Variants in RGS6 observed in about 807,000 individuals in gnomAD.
The protein encoded by RGS6 is regulator of G-protein signaling 6.
A neutral mutation model predicts 78.5 loss-of-function variants in RGS6; 30 were observed. The ratio of observed to expected loss-of-function variants is 0.38; its 90% CI spans 0.29 to 0.52. The LOEUF is 0.52. Ranked by LOEUF, RGS6 falls within the 20% of genes least tolerant of loss-of-function variation. The probability of loss-of-function intolerance (pLI) is 0.85; values close to 1 mark genes in which losing one functional copy is unlikely to be tolerated. For synonymous variants in RGS6, 206 were observed against 206.0 expected (o/e 1.00, Z 0.00); for missense variants, 495 against 609.7 (o/e 0.81, Z 1.98).
intron 2 of RGS6, among the ~76,000 whole-genome samples, chr14:72,056,891 T>C (rs1157899990): frequency 6.6e-6 from 1 of 152,228 alleles, no homozygotes; most frequent in East Asian, 1.9e-4. Context: ...ATGTCTGTAT[T>C]TGGCCACAAA....
At chr14:71,940,375 G>A (rs2090326148) in intron 1 of RGS6, among the ~76,000 whole-genome samples, 1 of 152,114 alleles carries the variant, frequency 6.6e-6, no homozygotes, top group Non-Finnish European at 1.5e-5. Context: ...CTGTAAACTG[G>A]CTCAAGTCTG....
intron 3 of RGS6, among the ~76,000 whole-genome samples, chr14:72,387,954 T>G (rs2088773297): frequency 6.6e-6 from 1 of 152,180 alleles, no homozygotes; most frequent in Non-Finnish European, 1.5e-5. Flanking sequence ...CATCCAAACT[T>G]CCTCTTCTTG....
chr14:72,534,696 T>C (rs752823523), intron 15 of RGS6, among the ~76,000 whole-genome samples: 3 of 152,208 alleles, frequency 2.0e-5, no homozygotes, highest in Non-Finnish European at 4.4e-5. Flanking sequence ...ATCCTTGTCA[T>C]TGCTCTGTCT....
chr14:72,414,358 G>A (rs915631199), intron 3 of RGS6, among the ~76,000 whole-genome samples: 6 of 151,916 alleles, frequency 3.9e-5, no homozygotes, highest in South Asian at 2.1e-4. Context: ...TGATCACATC[G>A]ACTACTGAGG....
chr14:72,160,712 G>A (rs2153659851), intron 2 of RGS6, among the ~76,000 whole-genome samples: 1 of 152,304 alleles, frequency 6.6e-6, no homozygotes, highest in South Asian at 2.1e-4. Context: ...CACATGCATG[G>A]AGGAAAGAAC....
the RGS6 span, among the ~76,000 whole-genome samples, chr14:72,615,401 T>C: frequency 6.6e-6 from 1 of 152,146 alleles, no homozygotes; most frequent in Non-Finnish European, 1.5e-5. Context: ...AATCATCTCA[T>C]TTTTCTTCCT....
intron 2 of RGS6, among the ~76,000 whole-genome samples, chr14:72,208,361 A>C (rs2153750004): frequency 6.6e-6 from 1 of 152,324 alleles, no homozygotes; most frequent in South Asian, 2.1e-4. Flanking sequence ...GCCTTTCATG[A>C]AGCGATGCCT....
At position 72,118,627 on chromosome 14, in the gene RGS6, A is replaced by G. The variant is rs562593033; in HGVS notation, c.84+153752A>G. Reference sequence around the variant, plus strand: ...GTTTCCAAAATATCTTTCTGAGGTCATTACAGGGTCATAGCCCTGGACAGC... The same window carrying G: ...GTTTCCAAAATATCTTTCTGAGGTCGTTACAGGGTCATAGCCCTGGACAGC... On this transcript the variant is annotated intron_variant, in intron 2 of 17. Transcript: ENST00000553525. 2.0e-5 allele frequency among the ~76,000 whole-genome samples: 3 copies of G among 152,222 alleles called. No homozygotes were observed. In the South Asian group the frequency reaches 6.2e-4, roughly 32 times the overall value.
rs59943776 is a variant in RGS6 at position 72,548,348 on chromosome 14, CGTGTGTGTGTGT to C, written c.1422+8267_1422+8278del. On this transcript the variant is annotated intron_variant, in intron 17 of 17. Transcript: ENST00000553525. Reference sequence around the variant, plus strand: ...ATATTTGTGTGTGTGTGTGTGCGCGCGTGTGTGTGTGTGTGTGTGTGTGTTTTAAATTCAGTT... The same window carrying C: ...ATATTTGTGTGTGTGTGTGTGCGCGCGTGTGTGTGTGTTTTAAATTCAGTT... Among the ~76,000 whole-genome samples, 6 of 129,464 alleles carry C rather than the reference CGTGTGTGTGTGT, an allele frequency of 4.6e-5. 1 individual carries two copies. In the South Asian group the frequency reaches 9.6e-4, roughly 21 times the overall value. The allele number at this position is 129,464 out of a possible 152,430, so 84.9% of individuals were successfully genotyped here. A position where few individuals can be genotyped will look rare whatever the true frequency, so the allele number is the denominator to read the frequency against.
At chr14:72,529,896 A>T (rs1421810496) in intron 15 of RGS6, among the ~76,000 whole-genome samples, 1 of 152,192 alleles carries the variant, frequency 6.6e-6, no homozygotes, top group Admixed American at 6.5e-5. Context: ...AAGCTTTATG[A>T]CATTAGAGGC....
chr14:71,965,918 G>A (rs975911875), intron 2 of RGS6, among the ~76,000 whole-genome samples: 1 of 152,202 alleles, frequency 6.6e-6, no homozygotes. Context: ...GCGGCAAGTA[G>A]AGGGTCAAAG....
At chr14:72,105,789 A>G (rs1417192388) in intron 2 of RGS6, among the ~76,000 whole-genome samples, 1 of 152,246 alleles carries the variant, frequency 6.6e-6, no homozygotes, top group Admixed American at 6.5e-5. Flanking sequence ...AAATAGTTCC[A>G]TAGCAGTCTT....
At chr14:72,227,724 A>C (rs2048456729) in intron 2 of RGS6, among the ~76,000 whole-genome samples, 1 of 152,222 alleles carries the variant, frequency 6.6e-6, no homozygotes, top group South Asian at 2.1e-4. Flanking sequence ...AAAGTATATG[A>C]GATAAAGAAT....
rs148488817 is a variant in RGS6 at position 72,182,067 on chromosome 14, A to G, written c.85-170028A>G. Among the ~76,000 whole-genome samples the G allele has an allele frequency of 4.5e-3, 692 of 152,352 alleles. 7 individuals carry two copies. Among genetic ancestry groups the G allele is most frequent in the African/African-American group, 0.016 (655 of 41,582 alleles). On this transcript the variant is annotated intron_variant, in intron 2 of 17. Transcript: ENST00000553525. ...TTCAGACATGAAAACTATTCTTTCC[A>G]TAATGAAATCAGGTGTGAGGTTTTT...
chr14:72,242,740 GGTCACTACT>G (rs1555570985), intron 2 of RGS6, among the ~76,000 whole-genome samples: 1 of 151,424 alleles, frequency 6.6e-6, no homozygotes, highest in Non-Finnish European at 1.5e-5. Flanking sequence ...AGGCAGAAGT[GGTCACTACT>G]GTATGGACAA....
intron 13 of RGS6, among the ~76,000 whole-genome samples, chr14:72,498,208 C>T (rs755451517): frequency 1.3e-5 from 2 of 152,150 alleles, no homozygotes; most frequent in Non-Finnish European, 2.9e-5. Flanking sequence ...TCATGTTACT[C>T]CCCCTGGAGA....
chr14:72,349,936 A>G (rs1056407249), intron 2 of RGS6, among the ~76,000 whole-genome samples: 16 of 152,216 alleles, frequency 1.1e-4, no homozygotes, highest in African/African-American at 3.6e-4. Context: ...CTGGTTTCAA[A>G]TAATATGCTA....
intron 15 of RGS6, among the ~76,000 whole-genome samples, chr14:72,530,086 A>G (rs570676509): frequency 6.6e-6 from 1 of 152,316 alleles, no homozygotes; most frequent in South Asian, 2.1e-4. Flanking sequence ...CCCTCCTACA[A>G]TGAGTCTATA....
chr14:71,917,895 C>A, the RGS6 span, among the ~76,000 whole-genome samples: 1 of 151,996 alleles, frequency 6.6e-6, no homozygotes, highest in Admixed American at 6.6e-5. Flanking sequence ...GCTTCTCGGC[C>A]GGGCGCGGTG....
Sources: allele counts gnomAD v4.1 joint callset (sites outside exome capture counted in the v4.1 genomes callset), GRCh38; gene constraint gnomAD v4.1.1; transcripts MANE v1.5; gene names NCBI Gene and HGNC (gene_info 2026-07-23, HGNC 2026-07-21).